PTPRT: variants seen among roughly 807,000 people sequenced by gnomAD.
The protein encoded by PTPRT is receptor-type tyrosine-protein phosphatase T.
PTPRT carries 56 observed loss-of-function variants against 176.8 expected under a neutral mutation model. The ratio of observed to expected loss-of-function variants is 0.32; its 90% CI spans 0.26 to 0.40. The LOEUF (loss-of-function observed/expected upper bound fraction) is 0.40, where lower values mean the gene tolerates loss of function less well. Among genes scored for constraint, PTPRT ranks in the 10% least tolerant of loss-of-function variants. The pLI is 1.00. For synonymous variants in PTPRT, 783 were observed against 739.0 expected, an observed-to-expected ratio of 1.06 and a Z score of -0.96; for missense variants, 1,540 against 1,908.2, an observed-to-expected ratio of 0.81 and a Z score of 3.60.
At chr20:42,827,937 C>T (rs553644033) in intron 2 of PTPRT, among the ~76,000 whole-genome samples, 1 of 152,168 alleles carries the variant, frequency 6.6e-6, no homozygotes, top group Non-Finnish European at 1.5e-5. Flanking sequence ...CTTGTATGTC[C>T]TTATCAGCAG....
At chr20:42,949,828 C>T (rs371767733) in intron 1 of PTPRT, among the ~76,000 whole-genome samples, 2 of 152,174 alleles carry the variant, frequency 1.3e-5, no homozygotes, top group African/African-American at 4.8e-5. Flanking sequence ...CTCACCCTGG[C>T]CAGAAAAAAT....
At chr20:42,107,042 C>T in intron 23 of PTPRT, 121 bp from the exon 24 acceptor site, 1 of 1,273,746 alleles carries the variant, frequency 7.9e-7, no homozygotes, top group Non-Finnish European at 1.1e-6. Flanking sequence ...TATGTGTTCC[C>T]ACATTTCCTT....
chr20:43,163,865 C>T (rs2014781122), intron 1 of PTPRT, among the ~76,000 whole-genome samples: 1 of 152,162 alleles, frequency 6.6e-6, no homozygotes, highest in Non-Finnish European at 1.5e-5. Context: ...CGTTCCTCAA[C>T]CTCTCCTTTA....
chr20:43,095,550 C>G (rs951134308), intron 1 of PTPRT, among the ~76,000 whole-genome samples: 1 of 151,306 alleles, frequency 6.6e-6, no homozygotes, highest in Non-Finnish European at 1.5e-5. Flanking sequence ...CCCAGCCCCC[C>G]GGCTATCTCT....
chr20:42,576,433 C>A (rs1475168256), intron 7 of PTPRT, among the ~76,000 whole-genome samples: 1 of 152,180 alleles, frequency 6.6e-6, no homozygotes, highest in Non-Finnish European at 1.5e-5. Context: ...CAGCTGCTGA[C>A]TGACGGGATG....
chr20:42,252,993 C>T (rs1384403589), intron 13 of PTPRT, among the ~76,000 whole-genome samples: 3 of 152,214 alleles, frequency 2.0e-5, no homozygotes, highest in Non-Finnish European at 4.4e-5. Context: ...TTTAGGGGAA[C>T]TTGCCCTAGA....
intron 7 of PTPRT, among the ~76,000 whole-genome samples, chr20:42,641,240 C>T (rs1375535965): frequency 2.6e-5 from 4 of 152,148 alleles, no homozygotes; most frequent in Admixed American, 6.5e-5. Flanking sequence ...TACACATTTC[C>T]TATTCCTTCC....
chr20:42,698,123 G>A (rs772039696), intron 6 of PTPRT, among the ~76,000 whole-genome samples: 2 of 152,164 alleles, frequency 1.3e-5, no homozygotes, highest in Non-Finnish European at 2.9e-5. Context: ...CTAAAGGAAA[G>A]GAAATGTAAC....
intron 10 of PTPRT, among the ~76,000 whole-genome samples, 153 bp downstream of exon 10, chr20:42,351,931 T>C (rs776555535): frequency 2.6e-5 from 4 of 152,260 alleles, no homozygotes; most frequent in Non-Finnish European, 5.9e-5. Flanking sequence ...ATTTTCTTCA[T>C]AGGAGACAAC....
chr20:42,242,379 C>A (rs2056371698), intron 14 of PTPRT, among the ~76,000 whole-genome samples: 1 of 152,172 alleles, frequency 6.6e-6, no homozygotes, highest in African/African-American at 2.4e-5. Context: ...GCAAGGCACA[C>A]TGGAGATGAA....
At position 42,683,153 on chromosome 20, in the gene PTPRT, C is replaced by A. The variant is rs114951110; in HGVS notation, c.860-4994G>T. Among the ~76,000 whole-genome samples the A allele has an allele frequency of 8.2e-3, 1,248 of 152,322 alleles. 18 individuals are homozygous for A. Among genetic ancestry groups the A allele is most frequent in the African/African-American group, 0.029 (1,190 of 41,576 alleles). On this transcript the variant is annotated intron_variant, in intron 6 of 30. Coordinates refer to ENST00000373187, the MANE Select transcript of PTPRT (RefSeq NM_007050.6). ...TGGGAATGCCTCCACCCACCCAACC[C>A]TAGCCACCAACACAAACACATTCAT... is the stretch of plus-strand genomic sequence containing the variant.
Position 42,732,030 on chromosome 20 carries a change from T to A in PTPRT, c.859+24432A>T, listed in dbSNP as rs115824249. 8.6e-3 allele frequency among the ~76,000 whole-genome samples: 1,317 copies of A among 152,346 alleles called. 23 individuals are homozygous for A. The highest frequency in any genetic ancestry group is 0.03 in the African/African-American group (1,262 of 41,578). On this transcript the variant is annotated intron_variant, in intron 6 of 30. Transcript: ENST00000373187. ...GATGCTCTATTTGATCCCAACAAAG[T>A]CTCAATCACAATTTGTAATTCTATA...
At chr20:42,387,079 C>T (rs1021792005) in intron 9 of PTPRT, among the ~76,000 whole-genome samples, 2 of 151,970 alleles carry the variant, frequency 1.3e-5, no homozygotes, top group South Asian at 2.1e-4. Flanking sequence ...TTTATCTGTT[C>T]GAAATTGAAA....
At chr20:42,485,209 T>C (rs1380854529) in intron 7 of PTPRT, among the ~76,000 whole-genome samples, 2 of 152,160 alleles carry the variant, frequency 1.3e-5, no homozygotes, top group African/African-American at 4.8e-5. Flanking sequence ...GAAAAAAGAT[T>C]TGGGGTGAAG....
At chr20:42,081,666 C>T (rs1268362522) in intron 30 of PTPRT, among the ~76,000 whole-genome samples, 4 of 152,182 alleles carry the variant, frequency 2.6e-5, no homozygotes, top group East Asian at 3.9e-4. Context: ...AGTAGGTGTA[C>T]CAGGATTAGT....
At chr20:42,800,638 A>G (rs2077517710) in intron 2 of PTPRT, among the ~76,000 whole-genome samples, 1 of 152,206 alleles carries the variant, frequency 6.6e-6, no homozygotes. Context: ...CTCCAATTAC[A>G]CTCACAGAAT....
chr20:43,082,638 G>C (rs2011472701), intron 1 of PTPRT, among the ~76,000 whole-genome samples: 1 of 152,170 alleles, frequency 6.6e-6, no homozygotes, highest in Non-Finnish European at 1.5e-5. Flanking sequence ...AGCAGAGGAA[G>C]AGACCAGGAG....
intron 7 of PTPRT, among the ~76,000 whole-genome samples, chr20:42,609,628 A>G (rs557469085): frequency 4.7e-4 from 71 of 152,244 alleles, no homozygotes; most frequent in African/African-American, 1.6e-3. Context: ...TCTTTCTACC[A>G]AGATATGGAA....
intron 15 of PTPRT, among the ~76,000 whole-genome samples, chr20:42,229,806 A>T (rs1255519287): frequency 2.0e-5 from 3 of 152,232 alleles, no homozygotes; most frequent in African/African-American, 7.2e-5. Flanking sequence ...CCTTAAACCC[A>T]CAGAAGCAAG....
Sources: gnomAD v4.1 joint callset for allele counts (sites outside exome capture counted in the v4.1 genomes callset) on GRCh38, gnomAD v4.1.1 for gene constraint, MANE v1.5 for transcripts, NCBI Gene and HGNC (gene_info 2026-07-23, HGNC 2026-07-21) for gene names.